STARD9: variants seen among roughly 807,000 people sequenced by gnomAD.
STARD9 encodes stAR-related lipid transfer protein 9.
A neutral mutation model predicts 399.8 loss-of-function variants in STARD9; 346 were observed. The observed-to-expected ratio is 0.87, with a 90% confidence interval of 0.79 to 0.95. STARD9 has a LOEUF of 0.95. STARD9 is among the 40% of genes least tolerant of loss of function. STARD9 has a pLI of 0.00. For synonymous variants in STARD9, 2,203 were observed against 2,143.5 expected, an observed-to-expected ratio of 1.03 and a Z score of -0.77; for missense variants, 5,832 against 5,667.5, an observed-to-expected ratio of 1.03 and a Z score of -0.93.
intron 3 of STARD9, among the ~76,000 whole-genome samples, chr15:42,632,179 TTCTGA>T (rs776947045): frequency 1.3e-4 from 20 of 152,208 alleles, no homozygotes; most frequent in Admixed American, 6.5e-5. Context: ...ATTGACCCCT[TTCTGA>T]TTATATAATG....
At chr15:42,589,615 T>A (rs1268418176) in intron 3 of STARD9, among the ~76,000 whole-genome samples, 1 of 152,082 alleles carries the variant, frequency 6.6e-6, no homozygotes, top group Non-Finnish European at 1.5e-5. Context: ...ATCTTTTTTT[T>A]TTTTTTTTTA....
chr15:42,687,277 A>G lies in STARD9; in HGVS notation c.5699A>G (p.Asp1900Gly), dbSNP rs1055953646. ...CAGTCCTGTTGCGGTGCTTCCTCAG[A>G]CAGCACTGAGTCTGGGAAGTCTCTC... ...TAQSCCGASS[D>G]STESGKSLLF... is the part of the protein sequence containing the mutation. The change falls in exon 23 of 33, where the codon GAC becomes GGC. Residue 1900 changes from aspartate to glycine, a missense_variant. Transcript: ENST00000290607. The G allele has an allele frequency of 2.0e-6, 3 of 1,536,766 alleles. No individual in the cohort carries two copies. The highest frequency in any genetic ancestry group is 2.7e-5 in the African/African-American group (2 of 73,034).
chr15:42,657,627 T>G (rs981246218), intron 9 of STARD9, among the ~76,000 whole-genome samples: 1 of 152,180 alleles, frequency 6.6e-6, no homozygotes, highest in African/African-American at 2.4e-5. Flanking sequence ...TTGAGCAACA[T>G]TATCAAACTA....
intron 1 of STARD9, among the ~76,000 whole-genome samples, chr15:42,582,521 C>T (rs945086471): frequency 2.6e-5 from 4 of 152,168 alleles, no homozygotes; most frequent in Non-Finnish European, 5.9e-5. Flanking sequence ...TCTTGAGGAG[C>T]TTGGCCCTGC....
In STARD9 at chr15:42,720,937, TCTTA is replaced by T. The variant is rs755854507; in HGVS notation, c.*1366_*1369del. ...ACTCCTACCTCTTTTCATATAAATCTCTTACTAAGACTACTGACCAAAAAAGAAC... is the reference window on the plus strand; with the variant it reads ...ACTCCTACCTCTTTTCATATAAATCTCTAAGACTACTGACCAAAAAAGAAC... On this transcript the variant is annotated 3_prime_UTR_variant, in exon 33 of 33. Transcript: ENST00000290607. 2.0e-5 allele frequency: 3 copies of T among 152,220 alleles called. No individual in the cohort carries two copies. The highest frequency in any genetic ancestry group is 4.8e-5 in the African/African-American group (2 of 41,458). The allele number at this position is 152,220 out of a possible 1,614,324, so 9.4% of individuals were successfully genotyped here.
In STARD9 at chr15:42,608,932, C is replaced by T. The variant is rs192934765; in HGVS notation, c.234+23295C>T. ...TAGATTATGTATTCATGTATTCAGTCAGTGTTAACCGAGCATGCACTGTGC... is the reference window on the plus strand; with the variant it reads ...TAGATTATGTATTCATGTATTCAGTTAGTGTTAACCGAGCATGCACTGTGC... On this transcript the variant is annotated intron_variant, in intron 3 of 32. Coordinates refer to ENST00000290607, the MANE Select transcript of STARD9 (RefSeq NM_020759.3). Among the ~76,000 whole-genome samples, 5 of 152,288 alleles carry T rather than the reference C, an allele frequency of 3.3e-5. No individual in the cohort carries two copies. In the East Asian group the frequency reaches 9.6e-4, roughly 29 times the overall value.
intron 3 of STARD9, among the ~76,000 whole-genome samples, chr15:42,619,270 G>A (rs2059035322): frequency 6.6e-6 from 1 of 151,968 alleles, no homozygotes; most frequent in Admixed American, 6.6e-5. Flanking sequence ...CCTAACCCCT[G>A]GCAACCACTG....
chr15:42,665,520 T>C (rs1444245427), intron 14 of STARD9, among the ~76,000 whole-genome samples, 190 bp downstream of exon 14: 1 of 152,192 alleles, frequency 6.6e-6, no homozygotes, highest in Non-Finnish European at 1.5e-5. Context: ...TGTGGGCATT[T>C]TTTCACTTTA....
intron 2 of STARD9, among the ~76,000 whole-genome samples, chr15:42,585,213 C>T (rs2058251177): frequency 1.3e-5 from 2 of 152,168 alleles, no homozygotes; most frequent in African/African-American, 4.8e-5. Flanking sequence ...AAGGGACATT[C>T]AACCTGTAGT....
intron 3 of STARD9, among the ~76,000 whole-genome samples, chr15:42,626,586 C>T (rs181156899): frequency 9.9e-5 from 15 of 151,828 alleles, no homozygotes; most frequent in Middle Eastern, 3.4e-3. Context: ...CTGCAGCCTC[C>T]GCCTCCCGGG....
chr15:42,704,640 C>T (rs914251486), intron 26 of STARD9, among the ~76,000 whole-genome samples: 8 of 152,118 alleles, frequency 5.3e-5, no homozygotes, highest in African/African-American at 1.9e-4. Flanking sequence ...TGTCCCTGGC[C>T]CCGATGGACC....
At chr15:42,703,399 G>C (rs1203530482) in intron 26 of STARD9, among the ~76,000 whole-genome samples, 1 of 146,248 alleles carries the variant, frequency 6.8e-6, no homozygotes, top group Admixed American at 6.8e-5. Context: ...GTCTTGCACT[G>C]TTCACCCAGG....
At chr15:42,638,566 C>G (rs1202078974) in intron 6 of STARD9, 134 bp from the exon 7 acceptor site, 1 of 589,266 alleles carries the variant, frequency 1.7e-6, no homozygotes, top group Non-Finnish European at 3.0e-6. Flanking sequence ...AAGGGGGAAC[C>G]TTGGCTTGAT....
At chr15:42,707,261 C>A (rs1158413438) in intron 26 of STARD9, among the ~76,000 whole-genome samples, 1 of 152,114 alleles carries the variant, frequency 6.6e-6, no homozygotes, top group Admixed American at 6.5e-5. Context: ...TATGACTCAG[C>A]AATGTTTGCA....
At chr15:42,669,409 C>G in intron 16 of STARD9, 72 bp downstream of exon 16, 2 of 1,324,338 alleles carry the variant, frequency 1.5e-6, no homozygotes, top group African/African-American at 1.5e-5. Context: ...AAGCTAGGAG[C>G]AGCAGCCATG....
chr15:42,595,158 T>C (rs1398028271), intron 3 of STARD9, among the ~76,000 whole-genome samples: 1 of 152,040 alleles, frequency 6.6e-6, no homozygotes, highest in Non-Finnish European at 1.5e-5. Flanking sequence ...AGGAGGGACC[T>C]TTGAGGGGCT....
At chr15:42,701,486 T>C (rs1263053979) in intron 26 of STARD9, among the ~76,000 whole-genome samples, 2 of 152,234 alleles carry the variant, frequency 1.3e-5, no homozygotes, top group African/African-American at 2.4e-5. Context: ...CTAGGGACTT[T>C]ATTTTTTTGT....
At chr15:42,645,107 T>A (rs957462720) in intron 7 of STARD9, among the ~76,000 whole-genome samples, 2 of 152,218 alleles carry the variant, frequency 1.3e-5, no homozygotes, top group Non-Finnish European at 2.9e-5. Flanking sequence ...AACCAACTTA[T>A]TCCAAACCCC....
At position 42,689,086 on chromosome 15, in the gene STARD9, A is replaced by G. The variant is rs1410501399; in HGVS notation, c.7508A>G (p.Lys2503Arg). The G allele has an allele frequency of 3.3e-6, 5 of 1,537,310 alleles. No homozygotes were observed. Among genetic ancestry groups the G allele is most frequent in the Admixed American group, 2.0e-5 (1 of 51,006 alleles). ...SLEEDSDQAS[K>R]PRQKAEKETE... ...GAAGAGGATAGTGACCAAGCCAGCA[A>G]GCCAAGGCAGAAGGCAGAGAAGGAG... Residue 2503 changes from lysine (K) to arginine (R), a missense_variant, in exon 23 of 33, where the codon AAG becomes AGG. Physicochemically the swap from Lys to Arg is conservative, Grantham distance 26. This residue lies in a region of STARD9 where 5,828 missense variants were observed against 5,651.1 expected (regional missense o/e 1.03). Transcript: ENST00000290607.
Sources: allele counts gnomAD v4.1 joint callset (sites outside exome capture counted in the v4.1 genomes callset), GRCh38; gene constraint gnomAD v4.1.1; regional missense constraint gnomAD v4.1.1; transcripts MANE v1.5; gene names NCBI Gene and HGNC (gene_info 2026-07-23, HGNC 2026-07-21).